The following TTC28 variants were observed in gnomAD, a reference collection of about 807,000 sequenced individuals.
TTC28 encodes the protein tetratricopeptide repeat protein 28.
Under a neutral mutation model 198.0 loss-of-function variants are expected in TTC28, and 61 were observed. That is an observed-to-expected ratio of 0.31 (90% CI 0.25 to 0.38). TTC28 has a LOEUF of 0.38. Among genes scored for constraint, TTC28 ranks in the 10% least tolerant of loss-of-function variants. The probability of loss-of-function intolerance (pLI) is 1.00; values close to 1 mark genes in which losing one functional copy is unlikely to be tolerated. For synonymous variants in TTC28, 1,171 were observed against 1,297.8 expected, an observed-to-expected ratio of 0.90 and a Z score of 2.10; for missense variants, 2,678 against 3,164.0, an observed-to-expected ratio of 0.85 and a Z score of 3.69.
intron 6 of TTC28, among the ~76,000 whole-genome samples, chr22:28,152,556 T>C (rs1031741471): frequency 2.0e-5 from 3 of 152,124 alleles, no homozygotes; most frequent in South Asian, 2.1e-4. Flanking sequence ...ATCACTAAAA[T>C]AGAATAATAA....
chr22:28,171,513 A>G (rs1569178019), intron 5 of TTC28, among the ~76,000 whole-genome samples: 1 of 151,754 alleles, frequency 6.6e-6, no homozygotes, highest in African/African-American at 2.4e-5. Flanking sequence ...TTAATATTTT[A>G]TAGATATGAG....
At chr22:28,099,654 T>C (rs1385685449) in intron 9 of TTC28, among the ~76,000 whole-genome samples, 1 of 152,186 alleles carries the variant, frequency 6.6e-6, no homozygotes, top group Non-Finnish European at 1.5e-5. Context: ...AAGACAGGAA[T>C]TAGAGACTTA....
At chr22:28,174,779 C>T (rs187721984) in intron 5 of TTC28, among the ~76,000 whole-genome samples, 1 of 152,206 alleles carries the variant, frequency 6.6e-6, no homozygotes, top group African/African-American at 2.4e-5. Context: ...CAACACATAT[C>T]CAACATATAA....
intron 2 of TTC28, among the ~76,000 whole-genome samples, chr22:28,541,994 C>T (rs1295194174): frequency 2.0e-5 from 3 of 152,028 alleles, no homozygotes; most frequent in Non-Finnish European, 2.9e-5. Flanking sequence ...GAGGCTAAAG[C>T]AAGAGGATCA....
intron 2 of TTC28, among the ~76,000 whole-genome samples, chr22:28,526,392 A>G (rs1204497275): frequency 2.0e-5 from 3 of 152,228 alleles, no homozygotes; most frequent in African/African-American, 7.2e-5. Context: ...AACATTACAA[A>G]TTCTGAACAA....
intron 5 of TTC28, among the ~76,000 whole-genome samples, chr22:28,233,179 T>G (rs544620497): frequency 6.6e-6 from 1 of 152,200 alleles, no homozygotes; most frequent in Non-Finnish European, 1.5e-5. Context: ...TCAATATTAT[T>G]TGAGCATTAA....
At chr22:28,100,986 G>A (rs1399784391) in intron 9 of TTC28, among the ~76,000 whole-genome samples, 185 bp downstream of exon 9, 1 of 152,176 alleles carries the variant, frequency 6.6e-6, no homozygotes, top group Non-Finnish European at 1.5e-5. Context: ...TATCACATGA[G>A]TGAGCAAAAA....
intron 20 of TTC28, 121 bp from the exon 21 acceptor site, chr22:27,990,128 G>T: frequency 7.7e-7 from 1 of 1,297,634 alleles, no homozygotes; most frequent in Non-Finnish European, 1.0e-6. Flanking sequence ...TCTCATGAGT[G>T]TAGCATTTGA....
chr22:28,410,586 C>A (rs903896282), intron 2 of TTC28, among the ~76,000 whole-genome samples: 2 of 152,074 alleles, frequency 1.3e-5, no homozygotes, highest in African/African-American at 4.8e-5. Context: ...TAAGCACAGA[C>A]CTTAGTAATC....
intron 6 of TTC28, among the ~76,000 whole-genome samples, chr22:28,113,254 T>C (rs1342123512): frequency 2.0e-5 from 3 of 152,214 alleles, no homozygotes; most frequent in African/African-American, 4.8e-5. Flanking sequence ...TTCTCATGTA[T>C]TGAAAGTGTT....
chr22:28,340,023 ATGT>A (rs901691949), intron 2 of TTC28, among the ~76,000 whole-genome samples: 7 of 152,286 alleles, frequency 4.6e-5, no homozygotes, highest in African/African-American at 1.4e-4. Context: ...CTATTCGGCC[ATGT>A]TGGCTCCCTA....
intron 10 of TTC28, among the ~76,000 whole-genome samples, chr22:28,098,538 C>G (rs1041790764): frequency 3.3e-5 from 5 of 151,862 alleles, no homozygotes; most frequent in Admixed American, 3.3e-4. Context: ...ATAGTGAGAC[C>G]TCATCTCTAT....
chr22:28,193,234 G>T (rs540324823), intron 5 of TTC28, among the ~76,000 whole-genome samples: 1 of 152,274 alleles, frequency 6.6e-6, no homozygotes, highest in African/African-American at 2.4e-5. Context: ...ACAAGCGAAT[G>T]CTGAGAGATT....
chr22:28,600,667 C>A (rs532976456), intron 2 of TTC28, among the ~76,000 whole-genome samples: 16 of 151,936 alleles, frequency 1.1e-4, no homozygotes, highest in African/African-American at 3.9e-4. Flanking sequence ...AACAACCAAC[C>A]CATCAACCTA....
chr22:28,140,320 G>GTGCC (rs1268057195), intron 6 of TTC28, among the ~76,000 whole-genome samples: 3 of 152,208 alleles, frequency 2.0e-5, no homozygotes, highest in African/African-American at 7.2e-5. Context: ...CAAGGCTGAT[G>GTGCC]TGCCTCTGAA....
chr22:28,589,260 G>C (rs1398557017), intron 2 of TTC28, among the ~76,000 whole-genome samples: 2 of 152,134 alleles, frequency 1.3e-5, no homozygotes, highest in East Asian at 3.8e-4. Context: ...CCCTTGATTT[G>C]AGCTGAGCTC....
At chr22:28,098,419 A>C (rs1942036405) in intron 10 of TTC28, among the ~76,000 whole-genome samples, 1 of 152,020 alleles carries the variant, frequency 6.6e-6, no homozygotes, top group Non-Finnish European at 1.5e-5. Context: ...CAGACAAGAG[A>C]CTTTGTTTCA....
At chr22:28,291,045 C>T (rs551664680) in intron 5 of TTC28, among the ~76,000 whole-genome samples, 1 of 151,936 alleles carries the variant, frequency 6.6e-6, no homozygotes, top group African/African-American at 2.4e-5. Flanking sequence ...ACAGACCAGG[C>T]AACTAAATGG....
At chr22:28,536,398 G>A (rs999782894) in intron 2 of TTC28, among the ~76,000 whole-genome samples, 30 of 151,824 alleles carry the variant, frequency 2.0e-4, no homozygotes, top group Admixed American at 1.4e-3. Flanking sequence ...GCCGAGGCGG[G>A]CGGATCACGA....
Sources: allele counts gnomAD v4.1 joint callset (sites outside exome capture counted in the v4.1 genomes callset), GRCh38; gene constraint gnomAD v4.1.1; transcripts MANE v1.5; gene names NCBI Gene and HGNC (gene_info 2026-07-23, HGNC 2026-07-21).